The following GALNT13 variants were observed in gnomAD, a reference collection of about 807,000 sequenced individuals.
The protein encoded by GALNT13 is polypeptide N-acetylgalactosaminyltransferase 13, also known as UDP-GalNAc:polypeptide N-acetylgalactosaminyltransferase 13.
A neutral mutation model predicts 64.2 loss-of-function variants in GALNT13; 28 were observed. That is an observed-to-expected ratio of 0.44 (90% CI 0.32 to 0.60). GALNT13 has a LOEUF of 0.60. GALNT13 is among the 20% of genes least tolerant of loss of function. The pLI, the probability that GALNT13 is intolerant of heterozygous loss-of-function variation, is 0.05. For missense variants in GALNT13, 577 were observed against 669.8 expected (o/e 0.86, Z 1.53); for synonymous variants, 214 against 224.6 (o/e 0.95, Z 0.42).
intron 2 of GALNT13, among the ~76,000 whole-genome samples, chr2:153,907,528 A>AT (rs1006094257): frequency 5.3e-5 from 8 of 151,758 alleles, no homozygotes; most frequent in Admixed American, 5.3e-4. Context: ...CCTAATGGTT[A>AT]TTTTTTTCTG....
At chr2:154,141,567 A>G (rs1683262557) in intron 4 of GALNT13, among the ~76,000 whole-genome samples, 1 of 152,158 alleles carries the variant, frequency 6.6e-6, no homozygotes, top group African/African-American at 2.4e-5. Flanking sequence ...GGCAATAGGA[A>G]TCTTTCTGAT....
intron 3 of GALNT13, among the ~76,000 whole-genome samples, chr2:154,022,631 C>T (rs1228053008): frequency 2.0e-5 from 3 of 151,982 alleles, no homozygotes; most frequent in Non-Finnish European, 4.4e-5. Flanking sequence ...TTTTGTTGAT[C>T]TGTTCAAAAA....
the GALNT13 span, among the ~76,000 whole-genome samples, chr2:153,360,926 C>T: frequency 2.6e-5 from 4 of 152,118 alleles, no homozygotes; most frequent in Non-Finnish European, 1.5e-5. Flanking sequence ...TGGGTAAGAC[C>T]GTCCAACAGG....
the GALNT13 span, among the ~76,000 whole-genome samples, chr2:153,094,854 G>T: frequency 3.3e-5 from 5 of 152,242 alleles, no homozygotes; most frequent in South Asian, 4.1e-4. Flanking sequence ...GCTGAAACTG[G>T]ATCCCTTCCT....
At chr2:154,196,627 G>A (rs7592907) in intron 4 of GALNT13, among the ~76,000 whole-genome samples, 19,598 of 152,180 alleles carry the variant, frequency 0.13, 1,505 homozygotes, top group East Asian at 0.34. Context: ...ATTTGAAAGC[G>A]TAGGTGATTC....
At chr2:153,258,176 A>G in the GALNT13 span, among the ~76,000 whole-genome samples, 1 of 152,184 alleles carries the variant, frequency 6.6e-6, no homozygotes, top group African/African-American at 2.4e-5. Flanking sequence ...AATTATTCTT[A>G]TTGGGCTTTA....
At chr2:154,263,804 T>C (rs1401077596) in intron 8 of GALNT13, among the ~76,000 whole-genome samples, 2 of 152,076 alleles carry the variant, frequency 1.3e-5, no homozygotes, top group African/African-American at 4.8e-5. Context: ...AGACTTGGAG[T>C]AACAAGTACT....
intron 9 of GALNT13, among the ~76,000 whole-genome samples, chr2:154,336,040 G>T (rs1695427315): frequency 6.6e-6 from 1 of 151,974 alleles, no homozygotes; most frequent in Non-Finnish European, 1.5e-5. Flanking sequence ...TACCTATTAG[G>T]ATTAGTGACA....
At chr2:154,187,706 T>A (rs572971811) in intron 4 of GALNT13, among the ~76,000 whole-genome samples, 129 of 152,042 alleles carry the variant, frequency 8.5e-4, no homozygotes, top group Non-Finnish European at 1.2e-3. Flanking sequence ...AACAACTACC[T>A]GAGAGCACAG....
the GALNT13 span, among the ~76,000 whole-genome samples, chr2:153,360,067 G>A: frequency 9.9e-5 from 15 of 152,168 alleles, no homozygotes; most frequent in African/African-American, 3.4e-4. Context: ...AACAGTGGGC[G>A]AATCCTGCAC....
the GALNT13 span, among the ~76,000 whole-genome samples, chr2:153,343,822 A>G: frequency 1.3e-5 from 2 of 152,134 alleles, no homozygotes; most frequent in South Asian, 2.1e-4. Context: ...AGTGAAATCT[A>G]AGAAATCATG....
the GALNT13 span, among the ~76,000 whole-genome samples, chr2:153,722,296 G>A: frequency 5.6e-5 from 8 of 143,794 alleles, no homozygotes; most frequent in South Asian, 2.4e-4. Context: ...TCTCTGGGAC[G>A]CATTCAAAGC....
chr2:154,014,626 A>T (rs1574331586), intron 3 of GALNT13, among the ~76,000 whole-genome samples: 6 of 79,330 alleles, frequency 7.6e-5, no homozygotes, highest in Admixed American at 1.2e-4. Flanking sequence ...TGTCTTTCTG[A>T]TAATTCTCCT....
intron 1 of GALNT13, among the ~76,000 whole-genome samples, chr2:153,890,444 C>T (rs1233983015): frequency 2.0e-5 from 3 of 151,934 alleles, no homozygotes; most frequent in African/African-American, 7.3e-5. Context: ...ACTCAGGGGA[C>T]TTAAGAATTC....
At chr2:153,338,460 AT>A in the GALNT13 span, among the ~76,000 whole-genome samples, 1 of 152,312 alleles carries the variant, frequency 6.6e-6, no homozygotes, top group East Asian at 1.9e-4. Context: ...GCATTTTGAA[AT>A]TTTTTTAAAA....
At chr2:153,266,475 A>C in the GALNT13 span, among the ~76,000 whole-genome samples, 1 of 152,200 alleles carries the variant, frequency 6.6e-6, no homozygotes, top group East Asian at 1.9e-4. Context: ...AAAAAGGTTT[A>C]ATTGACTCAC....
rs375766505 is a variant in GALNT13 at position 154,088,503 on chromosome 2, G to C, written c.143-51834G>C. On this transcript the variant is annotated intron_variant, in intron 3 of 12. Coordinates refer to ENST00000392825, the MANE Select transcript of GALNT13 (RefSeq NM_052917.4). ...TTTTGCTCTTGTTGCCTAGGCTGGAGTGCAATGGCACGATCTTGGCTCACT... is the reference window on the plus strand; with the variant it reads ...TTTTGCTCTTGTTGCCTAGGCTGGACTGCAATGGCACGATCTTGGCTCACT... Among the ~76,000 whole-genome samples, 16 of 152,296 alleles carry C rather than the reference G, an allele frequency of 1.1e-4. No homozygotes were observed. In the South Asian group the frequency reaches 3.3e-3, roughly 32 times the overall value.
chr2:153,363,832 C>T, the GALNT13 span, among the ~76,000 whole-genome samples: 1 of 152,188 alleles, frequency 6.6e-6, no homozygotes, highest in Admixed American at 6.5e-5. Flanking sequence ...GGAACCATTC[C>T]TTCCAAAACT....
At chr2:153,792,245 T>C in the GALNT13 span, among the ~76,000 whole-genome samples, 2 of 152,146 alleles carry the variant, frequency 1.3e-5, no homozygotes, top group Non-Finnish European at 2.9e-5. Flanking sequence ...ATTGAAAATA[T>C]TTTTAAAAAA....
Sources: gnomAD v4.1 joint callset for allele counts (sites outside exome capture counted in the v4.1 genomes callset) on GRCh38, gnomAD v4.1.1 for gene constraint, MANE v1.5 for transcripts, NCBI Gene and HGNC (gene_info 2026-07-23, HGNC 2026-07-21) for gene names.